The following SLC45A4 variants were observed in gnomAD, a reference collection of about 807,000 sequenced individuals.
The protein encoded by SLC45A4 is polyamine-transporter SLC45A4.
A neutral mutation model predicts 63.7 loss-of-function variants in SLC45A4; 32 were observed. The ratio of observed to expected loss-of-function variants is 0.50; its 90% CI spans 0.38 to 0.67. The LOEUF (loss-of-function observed/expected upper bound fraction) is 0.67. Ranked by LOEUF, SLC45A4 falls within the 30% of genes least tolerant of loss-of-function variation. SLC45A4 has a pLI of 0.00. For missense variants in SLC45A4, 1,027 were observed against 1,157.7 expected (o/e 0.89, Z 1.64); for synonymous variants, 535 against 510.0 (o/e 1.05, Z -0.66).
intron 1 of SLC45A4, among the ~76,000 whole-genome samples, chr8:141,280,209 C>A (rs1589846698): frequency 1.3e-5 from 2 of 152,356 alleles, no homozygotes; most frequent in East Asian, 3.9e-4. Context: ...GGGCACCAAT[C>A]CTCTGGGCCC....
intron 1 of SLC45A4, among the ~76,000 whole-genome samples, chr8:141,281,883 G>A (rs1461902573): frequency 6.9e-6 from 1 of 144,462 alleles, no homozygotes; most frequent in Non-Finnish European, 1.5e-5. Context: ...CTGGTTATCA[G>A]AAAGCCAGTG....
At position 141,215,702 on chromosome 8, in the gene SLC45A4, T is replaced by A; in HGVS notation, c.1941+57A>T. On this transcript the variant is annotated intron_variant, in intron 7 of 8. Transcript: ENST00000517878. This position sits in a 1 kb window ranked among gnomAD's most constrained non-coding sequence, Gnocchi z 4.3. ...GGGAAGCACAGGGCTCTGCTCTGTA[T>A]GGAGGGAAGGCACTCAGGAGGCTGG... 1.3e-6 allele frequency: 2 copies of A among 1,563,826 alleles called. No homozygotes were observed. Among genetic ancestry groups the A allele is most frequent in the Non-Finnish European group, 1.7e-6 (2 of 1,144,052 alleles).
At chr8:141,225,530 G>C (rs1027763720) in intron 2 of SLC45A4, 2 of 153,906 alleles carry the variant, frequency 1.3e-5, no homozygotes, top group African/African-American at 4.8e-5. Flanking sequence ...AGGAGGGTGG[G>C]GAGGACCTGC....
chr8:141,279,563 A>C (rs908771437), intron 1 of SLC45A4, among the ~76,000 whole-genome samples: 1 of 152,206 alleles, frequency 6.6e-6, no homozygotes, highest in African/African-American at 2.4e-5. Flanking sequence ...AATTCATAAA[A>C]AGTTGGGGGC....
chr8:141,298,574 C>T (rs145281997), intron 1 of SLC45A4, among the ~76,000 whole-genome samples: 2 of 152,330 alleles, frequency 1.3e-5, no homozygotes, highest in African/African-American at 2.4e-5. Flanking sequence ...GTGGCCAACC[C>T]GAAAGAAACA....
Position 141,219,988 on chromosome 8 carries a change from C to T in SLC45A4, c.431-159G>A, listed in dbSNP as rs561656409. ...GAGAGGCTCTTAGGCACAGAGGCAG[C>T]GGAAAGGAGTTGGGCTTTGTTCCAC... On this transcript the variant is annotated intron_variant, in intron 3 of 8. Transcript: ENST00000517878. Among the ~76,000 whole-genome samples, 5 of 152,330 alleles carry T rather than the reference C, an allele frequency of 3.3e-5. No individual in the cohort carries two copies. In the South Asian group the frequency reaches 6.2e-4, roughly 19 times the overall value.
At chr8:141,217,660 A>C (rs1455673323) in intron 5 of SLC45A4, among the ~76,000 whole-genome samples, 1 of 152,216 alleles carries the variant, frequency 6.6e-6, no homozygotes, top group Non-Finnish European at 1.5e-5. Context: ...CAGAAGGGCC[A>C]CCAATGAGCC....
In SLC45A4 at chr8:141,245,069, C is replaced by T. The variant is rs901221879; in HGVS notation, c.241+8920G>A. 2.0e-5 allele frequency among the ~76,000 whole-genome samples: 3 copies of T among 151,700 alleles called. 1 individual carries two copies. The highest frequency in any genetic ancestry group is 2.1e-4 in the South Asian group (1 of 4,806). ...CCACAGTAAGTGTGAGGCAGGCCCT[C>T]GACAAGTTACCACCAAGGCTGCTGA... On this transcript the variant is annotated intron_variant, in intron 2 of 8. Coordinates refer to ENST00000517878, the MANE Select transcript of SLC45A4 (RefSeq NM_001286646.2).
intron 1 of SLC45A4, among the ~76,000 whole-genome samples, chr8:141,295,707 C>G (rs1830522203): frequency 1.3e-5 from 2 of 152,216 alleles, no homozygotes; most frequent in African/African-American, 4.8e-5. Context: ...CCACTCGGAA[C>G]CCAACATCAG....
At chr8:141,277,187 G>A (rs572989983) in intron 1 of SLC45A4, among the ~76,000 whole-genome samples, 1 of 152,362 alleles carries the variant, frequency 6.6e-6, no homozygotes. Flanking sequence ...GACAGACATC[G>A]TTTTGTCTGC....
chr8:141,216,652 C>G (rs1177894080), intron 6 of SLC45A4, among the ~76,000 whole-genome samples: 1 of 152,196 alleles, frequency 6.6e-6, no homozygotes, highest in African/African-American at 2.4e-5. Flanking sequence ...ACCCAATTAC[C>G]CCTGGTTCCT....
intron 1 of SLC45A4, among the ~76,000 whole-genome samples, chr8:141,269,484 G>A (rs575985328): frequency 6.6e-6 from 1 of 151,938 alleles, no homozygotes; most frequent in Non-Finnish European, 1.5e-5. Context: ...GTGTGTGTGT[G>A]TGTGTGATGT....
chr8:141,253,792 T>C (rs7812916), intron 2 of SLC45A4, among the ~76,000 whole-genome samples, 197 bp downstream of exon 2: 57,405 of 151,948 alleles, frequency 0.38, 11,224 homozygotes, highest in East Asian at 0.48. Context: ...CATCCGAAGA[T>C]CACTCCTCCC....
At chr8:141,285,411 T>C (rs1483303191) in intron 1 of SLC45A4, among the ~76,000 whole-genome samples, 1 of 152,186 alleles carries the variant, frequency 6.6e-6, no homozygotes, top group African/African-American at 2.4e-5. Flanking sequence ...CTTCACTAAA[T>C]CTTTACCGAA....
At chr8:141,284,230 TAAG>T (rs898947570) in intron 1 of SLC45A4, among the ~76,000 whole-genome samples, 12 of 152,150 alleles carry the variant, frequency 7.9e-5, no homozygotes, top group African/African-American at 2.7e-4. Flanking sequence ...GTCTGGGATG[TAAG>T]AAGGACAGCC....
In SLC45A4 at chr8:141,212,533, G is replaced by T; in HGVS notation, c.1965C>A (p.Asn655Lys). 6.2e-7 allele frequency: 1 copy of T among 1,608,828 alleles called. No homozygotes were observed. The change falls in exon 8 of 9, where the codon AAC becomes AAA. Residue 655 changes from asparagine (N) to lysine (K), a missense_variant. Physicochemically the swap from Asn to Lys is moderately conservative, Grantham distance 94 (BLOSUM62 0). Coordinates refer to ENST00000517878, the MANE Select transcript of SLC45A4 (RefSeq NM_001286646.2). Reference sequence around the variant, plus strand: ...AATCTATGCCAAACCCTCGCTTGGAGTTCCCGGGGCTGTGGTGGATGTACT... The same window carrying T: ...AATCTATGCCAAACCCTCGCTTGGATTTCCCGGGGCTGTGGTGGATGTACT... ...IKQYIHHSPG[N>K]SKRGFGIDCA...
At chr8:141,271,782 C>CTGAGTGT (rs374401770) in intron 1 of SLC45A4, among the ~76,000 whole-genome samples, 9 of 152,210 alleles carry the variant, frequency 5.9e-5, no homozygotes, top group African/African-American at 1.9e-4. Context: ...AGGACAGGCA[C>CTGAGTGT]TGAGTGTATA....
At chr8:141,280,521 G>A (rs1829892710) in intron 1 of SLC45A4, among the ~76,000 whole-genome samples, 1 of 152,156 alleles carries the variant, frequency 6.6e-6, no homozygotes, top group African/African-American at 2.4e-5. Context: ...AGAGCAGTGG[G>A]TCACGCGGGG....
chr8:141,232,922 G>A (rs1358145430), intron 2 of SLC45A4, among the ~76,000 whole-genome samples: 1 of 151,418 alleles, frequency 6.6e-6, no homozygotes, highest in Non-Finnish European at 1.5e-5. Context: ...TGGTGTAGAT[G>A]CTACCACCCC....
Sources: gnomAD v4.1 joint callset for allele counts (sites outside exome capture counted in the v4.1 genomes callset) on GRCh38, gnomAD v4.1.1 for gene constraint, Gnocchi (gnomAD v3.1) non-coding constraint, MANE v1.5 for transcripts, NCBI Gene and HGNC (gene_info 2026-07-23, HGNC 2026-07-21) for gene names.